The following PTBP3 variants were observed in gnomAD, a reference collection of about 807,000 sequenced individuals.
PTBP3 encodes polypyrimidine tract-binding protein 3.
PTBP3 carries 20 observed loss-of-function variants against 58.7 expected under a neutral mutation model. The observed-to-expected ratio is 0.34, with a 90% CI of 0.24 to 0.50. The LOEUF is 0.50. PTBP3 is among the 20% of genes least tolerant of loss of function. The pLI is 0.98. For synonymous variants in PTBP3, 185 were observed against 219.8 expected, an observed-to-expected ratio of 0.84 and a Z score of 1.40; for missense variants, 509 against 637.2, an observed-to-expected ratio of 0.80 and a Z score of 2.17.
At chr9:112,367,197 C>G in the PTBP3 span, among the ~76,000 whole-genome samples, 1 of 152,068 alleles carries the variant, frequency 6.6e-6, no homozygotes, top group South Asian at 2.1e-4. Context: ...ATTATTATAG[C>G]TATATTTTAA....
At chr9:112,349,271 AG>A in the PTBP3 span, among the ~76,000 whole-genome samples, 3 of 152,102 alleles carry the variant, frequency 2.0e-5, no homozygotes, top group South Asian at 6.2e-4. Flanking sequence ...ATGCCCAGAG[AG>A]GGTATGGAAG....
At chr9:112,295,576 CAG>C (rs1828642402) in intron 2 of PTBP3, among the ~76,000 whole-genome samples, 1 of 108,804 alleles carries the variant, frequency 9.2e-6, no homozygotes, top group South Asian at 2.8e-4. Flanking sequence ...AGCAATGTGT[CAG>C]ATAAAAATTG....
chr9:112,377,990 T>C, the PTBP3 span, among the ~76,000 whole-genome samples: 5 of 152,240 alleles, frequency 3.3e-5, no homozygotes. Flanking sequence ...TATGGGCTTT[T>C]AAATGGCTTC....
intron 1 of PTBP3, among the ~76,000 whole-genome samples, chr9:112,314,681 A>G (rs1224549170): frequency 3.3e-5 from 5 of 152,170 alleles, no homozygotes; most frequent in Admixed American, 3.3e-4. Flanking sequence ...AAAACAAAAA[A>G]ACAAAAAAGA....
At chr9:112,277,343 T>C (rs972327314) in intron 2 of PTBP3, among the ~76,000 whole-genome samples, 4 of 152,208 alleles carry the variant, frequency 2.6e-5, no homozygotes, top group African/African-American at 9.6e-5. Flanking sequence ...GATTAATTAA[T>C]CTGGAAGGCA....
At chr9:112,290,234 A>C (rs1325119771) in intron 2 of PTBP3, among the ~76,000 whole-genome samples, 1 of 152,236 alleles carries the variant, frequency 6.6e-6, no homozygotes, top group African/African-American at 2.4e-5. Flanking sequence ...ATAGAAGAAT[A>C]GGCAAAAGAT....
At chr9:112,328,484 T>G (rs1480187029) in intron 1 of PTBP3, among the ~76,000 whole-genome samples, 1 of 152,248 alleles carries the variant, frequency 6.6e-6, no homozygotes, top group Non-Finnish European at 1.5e-5. Flanking sequence ...GAAAGCCAAA[T>G]TTTGTATTCA....
chr9:112,376,459 G>C, the PTBP3 span, among the ~76,000 whole-genome samples: 1 of 151,628 alleles, frequency 6.6e-6, no homozygotes, highest in South Asian at 2.1e-4. Context: ...TCACCACGTT[G>C]GCCAGGATGG....
intron 7 of PTBP3, among the ~76,000 whole-genome samples, chr9:112,245,209 C>G (rs746854906): frequency 6.6e-6 from 1 of 152,180 alleles, no homozygotes; most frequent in Admixed American, 6.5e-5. Context: ...TACTCGCAGG[C>G]TGAGGCATGA....
intron 3 of PTBP3, among the ~76,000 whole-genome samples, chr9:112,273,228 G>C (rs1487085769): frequency 6.6e-6 from 1 of 152,112 alleles, no homozygotes; most frequent in Non-Finnish European, 1.5e-5. Context: ...GATCTTAAAA[G>C]AGCAAAACTG....
the PTBP3 span, among the ~76,000 whole-genome samples, chr9:112,349,231 C>T: frequency 7.2e-5 from 11 of 152,068 alleles, no homozygotes; most frequent in African/African-American, 2.7e-4. Context: ...TTCCGGGTTG[C>T]TAGACATATG....
chr9:112,245,507 C>A (rs1439803186), intron 7 of PTBP3, among the ~76,000 whole-genome samples: 1 of 151,366 alleles, frequency 6.6e-6, no homozygotes, highest in Non-Finnish European at 1.5e-5. Flanking sequence ...TTTTTTAAAA[C>A]ACACACACAC....
At chr9:112,303,613 C>A (rs552709425) in intron 1 of PTBP3, among the ~76,000 whole-genome samples, 1 of 152,148 alleles carries the variant, frequency 6.6e-6, no homozygotes, top group African/African-American at 2.4e-5. Context: ...CGCCTGTAAT[C>A]CCAGCACTTT....
At position 112,256,272 on chromosome 9, in the gene PTBP3, A is replaced by AATATAT. The variant is rs1186696553; in HGVS notation, c.517-3490_517-3485dup. Among the ~76,000 whole-genome samples, 53 of 82,924 alleles carry AATATAT rather than the reference A, an allele frequency of 6.4e-4. No homozygotes were observed. The South Asian group carries it at 0.013, about 20-fold the overall frequency. 54.4% of individuals were successfully genotyped at this position (82,924 alleles called of 152,430 possible). The stretch of plus-strand genomic sequence containing the variant: ...TCCGTCTCAAAAAAAAAAAAAACAA[A>AATATAT]ATATATATATATATATATATACATA... On this transcript the variant is annotated intron_variant, in intron 5 of 13. Coordinates refer to ENST00000374257, the MANE Select transcript of PTBP3 (RefSeq NM_001163788.4).
chr9:112,309,816 CTA>C (rs1390173031), intron 1 of PTBP3, among the ~76,000 whole-genome samples: 2 of 151,740 alleles, frequency 1.3e-5, no homozygotes, highest in African/African-American at 4.8e-5. Flanking sequence ...TGAGTAATAA[CTA>C]TAGAGATAAA....
At chr9:112,275,510 T>C (rs1220247409) in intron 3 of PTBP3, among the ~76,000 whole-genome samples, 1 of 152,216 alleles carries the variant, frequency 6.6e-6, no homozygotes, top group Non-Finnish European at 1.5e-5. Flanking sequence ...GTATAATTTA[T>C]ATCCTATCAG....
At chr9:112,248,160 T>C (rs7019056) in intron 7 of PTBP3, among the ~76,000 whole-genome samples, 81,916 of 151,914 alleles carry the variant, frequency 0.54, 23,249 homozygotes, top group African/African-American at 0.73. Flanking sequence ...ACAAAGGATT[T>C]CTTAAATAAG....
intron 1 of PTBP3, among the ~76,000 whole-genome samples, chr9:112,326,250 T>C (rs1013238063): frequency 1.3e-5 from 2 of 152,192 alleles, no homozygotes; most frequent in Non-Finnish European, 2.9e-5. Context: ...GGAAAAGGAT[T>C]GCAGCAAATG....
At chr9:112,239,902 A>C in intron 7 of PTBP3, among the ~76,000 whole-genome samples, 1 of 144,968 alleles carries the variant, frequency 6.9e-6, no homozygotes, top group African/African-American at 2.6e-5. Context: ...ATCGATCAGG[A>C]GAATTCTGAG....
Sources: gnomAD v4.1 joint callset for allele counts (sites outside exome capture counted in the v4.1 genomes callset) on GRCh38, gnomAD v4.1.1 for gene constraint, MANE v1.5 for transcripts, NCBI Gene and HGNC (gene_info 2026-07-23, HGNC 2026-07-21) for gene names.